Variants in PARP8 observed in about 807,000 individuals in gnomAD.
The protein encoded by PARP8 is protein mono-ADP-ribosyltransferase PARP8.
PARP8 carries 51 observed loss-of-function variants against 124.1 expected under a neutral mutation model. The observed-to-expected ratio is 0.41, with a 90% CI of 0.33 to 0.52. The LOEUF (loss-of-function observed/expected upper bound fraction) is 0.52. Among genes scored for constraint, PARP8 ranks in the 20% least tolerant of loss-of-function variants. PARP8 has a pLI of 0.21. For missense variants in PARP8, 860 were observed against 1,018.9 expected (o/e 0.84, Z 2.12); for synonymous variants, 391 against 361.5 (o/e 1.08, Z -0.93).
chr5:50,735,621 C>A (rs930629345), intron 2 of PARP8, among the ~76,000 whole-genome samples: 1 of 152,108 alleles, frequency 6.6e-6, no homozygotes, highest in Non-Finnish European at 1.5e-5. Flanking sequence ...TTTTAAGAGT[C>A]ATTCAATGTC....
chr5:50,712,390 A>C (rs1754852777), intron 2 of PARP8, among the ~76,000 whole-genome samples: 1 of 152,116 alleles, frequency 6.6e-6, no homozygotes, highest in Non-Finnish European at 1.5e-5. Context: ...TCATGCTTCA[A>C]TTATTGTACC....
At chr5:50,793,577 C>A (rs1014824484) in intron 10 of PARP8, among the ~76,000 whole-genome samples, 1 of 152,034 alleles carries the variant, frequency 6.6e-6, no homozygotes, top group Admixed American at 6.6e-5. Flanking sequence ...TTAAGGATAC[C>A]CAGTTTTTAA....
intron 2 of PARP8, among the ~76,000 whole-genome samples, chr5:50,740,772 C>G (rs531751059): frequency 1.5e-3 from 227 of 150,872 alleles, no homozygotes; most frequent in African/African-American, 5.4e-3. Context: ...GTGATTGTGC[C>G]ACTGCTCTCC....
intron 2 of PARP8, among the ~76,000 whole-genome samples, chr5:50,733,723 A>G (rs1247904366): frequency 6.6e-6 from 1 of 152,186 alleles, no homozygotes. Context: ...GGTAAAATCT[A>G]ATGTTTTTAC....
At chr5:50,811,839 T>G (rs1233730328) in intron 14 of PARP8, among the ~76,000 whole-genome samples, 1 of 152,140 alleles carries the variant, frequency 6.6e-6, no homozygotes, top group African/African-American at 2.4e-5. Flanking sequence ...ACACGCGGTG[T>G]TTGGTTTTCT....
chr5:50,777,064 G>T (rs1033307013), intron 7 of PARP8, among the ~76,000 whole-genome samples: 5 of 152,140 alleles, frequency 3.3e-5, no homozygotes, highest in African/African-American at 9.7e-5. Flanking sequence ...GCTTGACCTG[G>T]TTTCCAACAC....
chr5:50,679,717 T>C (rs1267928871), intron 2 of PARP8, among the ~76,000 whole-genome samples: 1 of 152,184 alleles, frequency 6.6e-6, no homozygotes, highest in East Asian at 1.9e-4. Flanking sequence ...AGTGAAATAT[T>C]CTGTTGAGGG....
Position 50,813,802 on chromosome 5 carries a change from C to G in PARP8, c.1576-1630C>G, listed in dbSNP as rs541666075. On this transcript the variant is annotated intron_variant, in intron 14 of 25. Coordinates refer to ENST00000281631, the MANE Select transcript of PARP8 (RefSeq NM_024615.4). ...AAAGCAATGTCTATTGTTATAGTCC[C>G]TGGAATGTGTGTGTATATGTACACG... Among the ~76,000 whole-genome samples the G allele has an allele frequency of 9.9e-5, 15 of 152,084 alleles. 1 individual carries two copies. In the South Asian group the frequency reaches 2.9e-3, roughly 29 times the overall value.
chr5:50,771,358 C>T (rs1761613800), intron 7 of PARP8, among the ~76,000 whole-genome samples: 1 of 152,098 alleles, frequency 6.6e-6, no homozygotes, highest in South Asian at 2.1e-4. Flanking sequence ...GGGGTTTCAC[C>T]ATGTTGGTCA....
chr5:50,667,297 G>A, intron 1 of PARP8, 111 bp downstream of exon 1: 2 of 1,168,076 alleles, frequency 1.7e-6, no homozygotes, highest in East Asian at 2.4e-5. Context: ...CCATTCTGGG[G>A]TTCATTTGGC....
chr5:50,711,532 C>T (rs1318426338), intron 2 of PARP8, among the ~76,000 whole-genome samples: 7 of 152,078 alleles, frequency 4.6e-5, no homozygotes, highest in Non-Finnish European at 1.0e-4. Context: ...CAGCACCTGT[C>T]ATGTGGGCCA....
intron 11 of PARP8, 44 bp from the exon 12 acceptor site, chr5:50,794,809 G>A (rs376626163): frequency 1.7e-5 from 25 of 1,512,610 alleles, no homozygotes; most frequent in Non-Finnish European, 2.2e-5. Context: ...ATGGTCTGAT[G>A]TACCTGTGAT....
At chr5:50,807,609 A>G (rs576914808) in intron 14 of PARP8, among the ~76,000 whole-genome samples, 5 of 152,228 alleles carry the variant, frequency 3.3e-5, no homozygotes, top group Admixed American at 2.0e-4. Flanking sequence ...ATCAGCCTCT[A>G]AATTCCTAAT....
At chr5:50,798,743 A>C (rs1183161718) in intron 14 of PARP8, among the ~76,000 whole-genome samples, 15 of 152,104 alleles carry the variant, frequency 9.9e-5, no homozygotes, top group Non-Finnish European at 2.2e-4. Flanking sequence ...ACCCGGCCGA[A>C]GCAGTTTCTT....
At chr5:50,834,824 C>A in intron 24 of PARP8, 107 bp from the exon 25 acceptor site, 1 of 902,804 alleles carries the variant, frequency 1.1e-6, no homozygotes, top group Non-Finnish European at 1.8e-6. Context: ...TTCATTAGTG[C>A]TTGTATTTTT....
intron 12 of PARP8, among the ~76,000 whole-genome samples, chr5:50,795,721 T>C (rs1411826348): frequency 6.6e-6 from 1 of 152,210 alleles, no homozygotes; most frequent in East Asian, 1.9e-4. Context: ...CCCTTACTTA[T>C]TAAATAAGCA....
At position 50,821,292 on chromosome 5, in the gene PARP8, C is replaced by T; in HGVS notation, c.1748C>T (p.Ser583Phe). The change falls in exon 16 of 26, where the codon TCT (serine) becomes TTT (phenylalanine). Residue 583 changes from serine (S) to phenylalanine (F), a missense_variant. Coordinates refer to ENST00000281631, the MANE Select transcript of PARP8 (RefSeq NM_024615.4). Reference sequence around the variant, plus strand: ...GTTGTGATTTTCGAGCCATATCCTTCTGTGGTAGATCCTAATGATCCTCAG... The same window carrying T: ...GTTGTGATTTTCGAGCCATATCCTTTTGTGGTAGATCCTAATGATCCTCAG... ...RKVVIFEPYP[S>F]VVDPNDPQML... 1 of 1,614,060 alleles carries T rather than the reference C, an allele frequency of 6.2e-7. No individual in the cohort carries two copies. The highest frequency in any genetic ancestry group is 8.5e-7 in the Non-Finnish European group (1 of 1,179,940).
At chr5:50,678,825 C>T (rs970183980) in intron 2 of PARP8, among the ~76,000 whole-genome samples, 1 of 152,104 alleles carries the variant, frequency 6.6e-6, no homozygotes. Context: ...TATACATATG[C>T]AGACAGTGTT....
chr5:50,710,052 A>G (rs1242783589), intron 2 of PARP8, among the ~76,000 whole-genome samples: 1 of 151,040 alleles, frequency 6.6e-6, no homozygotes, highest in Non-Finnish European at 1.5e-5. Flanking sequence ...TTTGTGAAAT[A>G]TGCTTAATGA....
Sources: allele counts gnomAD v4.1 joint callset (sites outside exome capture counted in the v4.1 genomes callset), GRCh38; gene constraint gnomAD v4.1.1; transcripts MANE v1.5; gene names NCBI Gene and HGNC (gene_info 2026-07-23, HGNC 2026-07-21).